ETFB: variants seen among roughly 807,000 people sequenced by gnomAD.
The protein encoded by ETFB is beta-ETF.
Under a neutral mutation model 25.6 loss-of-function variants are expected in ETFB, and 20 were observed. The observed-to-expected ratio is 0.78, with a 90% CI of 0.55 to 1.14. The LOEUF (loss-of-function observed/expected upper bound fraction) is 1.14. ETFB is among the 50% of genes most tolerant of loss of function. The pLI is 0.00. For missense variants in ETFB, 286 were observed against 342.6 expected, an observed-to-expected ratio of 0.83 and a Z score of 1.30; for synonymous variants, 142 against 146.7, an observed-to-expected ratio of 0.97 and a Z score of 0.23.
chr19:51,363,360 C>T (rs1986276616), intron 1 of ETFB, among the ~76,000 whole-genome samples: 1 of 152,058 alleles, frequency 6.6e-6, no homozygotes, highest in Non-Finnish European at 1.5e-5. Flanking sequence ...CTAGGGACTG[C>T]AGAAGCCCCC....
chr19:51,364,707 CA>C (rs1024563423), intron 1 of ETFB, among the ~76,000 whole-genome samples: 3 of 152,198 alleles, frequency 2.0e-5, no homozygotes, highest in Non-Finnish European at 4.4e-5. Context: ...GAATGTGTCT[CA>C]AAAGGGCTAC....
At chr19:51,353,376 AGG>A (rs2123587798) in intron 2 of ETFB, 86 bp from the exon 3 acceptor site, 1 of 1,259,162 alleles carries the variant, frequency 7.9e-7, no homozygotes, top group Non-Finnish European at 1.1e-6. Context: ...CCTCAGACCC[AGG>A]AGTCCAGGGC....
chr19:51,353,755 GACTTCCA>G (rs1469703418), intron 2 of ETFB, among the ~76,000 whole-genome samples: 10 of 105,236 alleles, frequency 9.5e-5, no homozygotes, highest in South Asian at 3.1e-4. Flanking sequence ...CAGGGGTCCA[GACTTCCA>G]GCCTCCTCCT....
At position 51,353,680 on chromosome 19, in the gene ETFB, A is replaced by G. The variant is rs112740701; in HGVS notation, c.217-390T>C. Among the ~76,000 whole-genome samples, 26 of 4,116 alleles carry G rather than the reference A, an allele frequency of 6.3e-3. 2 individuals are homozygous for G. Among genetic ancestry groups the G allele is most frequent in the Non-Finnish European group, 0.011 (12 of 1,108 alleles). The allele number at this position is 4,116 out of a possible 152,430, so 2.7% of individuals were successfully genotyped here. A position where few individuals can be genotyped will look rare whatever the true frequency, so the allele number is the denominator to read the frequency against. On this transcript the variant is annotated intron_variant, in intron 2 of 5. Transcript: ENST00000309244. ...CCTCCTTCTTCAGACCCAGGAGTCCAGGCCCCCATCCCCTCCTTCCTCAGA... is the reference window on the plus strand; with the variant it reads ...CCTCCTTCTTCAGACCCAGGAGTCCGGGCCCCCATCCCCTCCTTCCTCAGA...
At chr19:51,356,509 CAAGGGAGGT>C (rs1055997089) in intron 1 of ETFB, 4 of 152,122 alleles carry the variant, frequency 2.6e-5, no homozygotes, top group African/African-American at 9.7e-5. Flanking sequence ...GCTAAACAGA[CAAGGGAGGT>C]AAGGGAGGTG....
intron 4 of ETFB, 39 bp from the exon 5 acceptor site, chr19:51,347,097 A>G: frequency 6.2e-7 from 1 of 1,610,934 alleles, no homozygotes; most frequent in Non-Finnish European, 8.5e-7. Flanking sequence ...GGGTGAGGCT[A>G]ATTCAGGTCC....
chr19:51,355,500 TAA>T (rs1451502144), intron 1 of ETFB: 1 of 152,216 alleles, frequency 6.6e-6, no homozygotes, highest in Non-Finnish European at 1.5e-5. Context: ...GGTGGGACTG[TAA>T]ACTAGTTCAA....
intron 3 of ETFB, among the ~76,000 whole-genome samples, chr19:51,352,101 T>C (rs1463421164): frequency 2.0e-5 from 3 of 151,956 alleles, no homozygotes; most frequent in Admixed American, 2.0e-4. Flanking sequence ...CATGTACCCC[T>C]ATCTCAGTGG....
intron 1 of ETFB, chr19:51,355,995 G>A (rs1290634256): frequency 6.6e-6 from 1 of 151,136 alleles, no homozygotes; most frequent in Non-Finnish European, 1.5e-5. Flanking sequence ...TAATGCTAAA[G>A]GACGAGTTAC....
At chr19:51,364,738 T>A (rs1237399077) in intron 1 of ETFB, among the ~76,000 whole-genome samples, 3 of 152,212 alleles carry the variant, frequency 2.0e-5, no homozygotes, top group Non-Finnish European at 2.9e-5. Flanking sequence ...CCCTGTCATG[T>A]GCTGCCAGAG....
chr19:51,354,844 C>T (rs906367774), intron 1 of ETFB: 20 of 567,744 alleles, frequency 3.5e-5, no homozygotes, highest in African/African-American at 7.5e-5. Flanking sequence ...TTGTTCTTTG[C>T]GTGACTGACA....
intron 4 of ETFB, chr19:51,347,287 C>T (rs1473372175): frequency 3.6e-6 from 2 of 558,906 alleles, no homozygotes; most frequent in East Asian, 3.0e-5. Context: ...CCTGATGCTG[C>T]CAGTGAGGCC....
chr19:51,361,130 C>T (rs1304818313), intron 1 of ETFB, among the ~76,000 whole-genome samples: 1 of 152,172 alleles, frequency 6.6e-6, no homozygotes, highest in African/African-American at 2.4e-5. Flanking sequence ...GGGGTTTCGT[C>T]ATGTTGGCCA....
chr19:51,359,466 A>G (rs535529880), intron 1 of ETFB, among the ~76,000 whole-genome samples: 2 of 152,034 alleles, frequency 1.3e-5, no homozygotes, highest in African/African-American at 4.8e-5. Flanking sequence ...TGAGTCAGGG[A>G]GGCTTCTGAA....
intron 1 of ETFB, among the ~76,000 whole-genome samples, chr19:51,359,158 C>G (rs1434196223): frequency 6.6e-6 from 1 of 151,832 alleles, no homozygotes; most frequent in Non-Finnish European, 1.5e-5. Context: ...CTCAGGTGAT[C>G]CTCCCACTTC....
At chr19:51,360,778 C>A (rs1225472297) in intron 1 of ETFB, among the ~76,000 whole-genome samples, 1 of 152,076 alleles carries the variant, frequency 6.6e-6, no homozygotes, top group Middle Eastern at 3.4e-3. Flanking sequence ...CTCTCTCTCT[C>A]TCTCTCTCTC....
At chr19:51,363,984 T>A (rs771472722) in intron 1 of ETFB, among the ~76,000 whole-genome samples, 2 of 151,972 alleles carry the variant, frequency 1.3e-5, no homozygotes, top group African/African-American at 2.4e-5. Context: ...CCACAAAGCA[T>A]CCCAAATGCC....
chr19:51,349,559 C>T (rs1330203276), intron 4 of ETFB, among the ~76,000 whole-genome samples: 1 of 151,858 alleles, frequency 6.6e-6, no homozygotes, highest in Non-Finnish European at 1.5e-5. Flanking sequence ...GGGATCCTCC[C>T]ACCTCAGCCT....
rs146559289 is a variant in ETFB, at chr19:51,364,341, G to T, written c.57+1929C>A. Reference sequence around the variant, plus strand: ...GGACATCAACAGACACATCCAGTGAGACAGGATGTAATGCAGGGAGCCCTG... The same window carrying T: ...GGACATCAACAGACACATCCAGTGATACAGGATGTAATGCAGGGAGCCCTG... On this transcript the variant is annotated intron_variant, in intron 1 of 5. Coordinates refer to ENST00000309244, the MANE Select transcript of ETFB (RefSeq NM_001985.3). 2.6e-3 allele frequency among the ~76,000 whole-genome samples: 399 copies of T among 152,300 alleles called. 1 individual carries two copies. The highest frequency in any genetic ancestry group is 4.4e-3 in the Non-Finnish European group (302 of 68,014).
Sources: allele counts gnomAD v4.1 joint callset (sites outside exome capture counted in the v4.1 genomes callset), GRCh38; gene constraint gnomAD v4.1.1; transcripts MANE v1.5; gene names NCBI Gene and HGNC (gene_info 2026-07-23, HGNC 2026-07-21).